TSPAN18: variants seen among roughly 807,000 people sequenced by gnomAD.
The protein encoded by TSPAN18 is tetraspanin 18, also known as tetraspanin-18.
Under a neutral mutation model 27.3 loss-of-function variants are expected in TSPAN18, and 14 were observed. The ratio of observed to expected loss-of-function variants is 0.51; its 90% CI spans 0.34 to 0.80. The LOEUF (loss-of-function observed/expected upper bound fraction) is 0.80. Among genes scored for constraint, TSPAN18 ranks in the 30% least tolerant of loss-of-function variants. The pLI, the probability that TSPAN18 is intolerant of heterozygous loss-of-function variation, is 0.01. For missense variants in TSPAN18, 268 were observed against 323.9 expected (o/e 0.83, Z 1.32); for synonymous variants, 143 against 136.5 (o/e 1.05, Z -0.33).
intron 2 of TSPAN18, among the ~76,000 whole-genome samples, chr11:44,778,900 G>A (rs1855873630): frequency 6.6e-6 from 1 of 152,144 alleles, no homozygotes; most frequent in Non-Finnish European, 1.5e-5. Flanking sequence ...TCCAGTGGCT[G>A]GAGGTCCTGG....
chr11:44,826,232 G>T (rs1344664764), intron 2 of TSPAN18, among the ~76,000 whole-genome samples: 1 of 152,210 alleles, frequency 6.6e-6, no homozygotes, highest in Non-Finnish European at 1.5e-5. Context: ...AGACCAGCCT[G>T]ACCAACATGG....
chr11:44,745,371 C>A (rs868061674), intron 1 of TSPAN18, among the ~76,000 whole-genome samples: 2 of 152,234 alleles, frequency 1.3e-5, no homozygotes, highest in African/African-American at 4.8e-5. Context: ...CACTGCACAG[C>A]ACTGGAGCCC....
chr11:44,793,607 T>G (rs1856280329), intron 2 of TSPAN18, among the ~76,000 whole-genome samples: 1 of 152,194 alleles, frequency 6.6e-6, no homozygotes, highest in South Asian at 2.1e-4. Flanking sequence ...GCCAACCTTG[T>G]GGGGATGCTG....
chr11:44,877,447 C>G (rs1210896868), intron 3 of TSPAN18, among the ~76,000 whole-genome samples: 1 of 152,110 alleles, frequency 6.6e-6, no homozygotes, highest in Non-Finnish European at 1.5e-5. Flanking sequence ...GGGCTCCTGG[C>G]CCCGTTCTCC....
rs148023269 is a variant in TSPAN18 at position 44,909,563 on chromosome 11, C to T, written c.64-142C>T. The T allele has an allele frequency of 1.6e-3, 1,215 of 778,386 alleles. 8 individuals are homozygous for T. The African/African-American group carries it at 0.017, about 11-fold the overall frequency. 48.2% of individuals were successfully genotyped at this position (778,386 alleles called of 1,614,324 possible). Reference sequence around the variant, plus strand: ...GGTGCGGCTGGGACTCACTGGCTCTCGCCGCAGGTGAATTCCTGCCTGGCT... The same window carrying T: ...GGTGCGGCTGGGACTCACTGGCTCTTGCCGCAGGTGAATTCCTGCCTGGCT... On this transcript the variant is annotated intron_variant, in intron 4 of 9. Coordinates refer to ENST00000520358, the MANE Select transcript of TSPAN18 (RefSeq NM_130783.5).
intron 2 of TSPAN18, among the ~76,000 whole-genome samples, chr11:44,780,511 C>T (rs1166776384): frequency 6.6e-6 from 1 of 152,356 alleles, no homozygotes; most frequent in Non-Finnish European, 1.5e-5. Context: ...CTGACAGCAG[C>T]GATCCAGACA....
At chr11:44,738,409 G>A (rs191561677) in intron 1 of TSPAN18, among the ~76,000 whole-genome samples, 19 of 152,298 alleles carry the variant, frequency 1.2e-4, no homozygotes, top group Admixed American at 4.6e-4. Context: ...CTGCTCTGCA[G>A]CCTTGGACAA....
intron 3 of TSPAN18, among the ~76,000 whole-genome samples, chr11:44,877,781 A>C (rs1858376938): frequency 6.6e-6 from 1 of 151,502 alleles, no homozygotes; most frequent in Admixed American, 6.6e-5. Context: ...ATTAGTGTGA[A>C]TAGGGGCTGG....
At chr11:44,844,513 C>T (rs577845336) in intron 2 of TSPAN18, among the ~76,000 whole-genome samples, 4 of 152,284 alleles carry the variant, frequency 2.6e-5, no homozygotes, top group African/African-American at 9.6e-5. Flanking sequence ...CATCATCTGC[C>T]CAGTTTTAGC....
At chr11:44,802,611 A>G (rs1856507365) in intron 2 of TSPAN18, among the ~76,000 whole-genome samples, 1 of 147,678 alleles carries the variant, frequency 6.8e-6, no homozygotes, top group Non-Finnish European at 1.5e-5. Context: ...GAAGCACTGC[A>G]CACACACACA....
chr11:44,878,166 A>G (rs1490359293), intron 3 of TSPAN18, among the ~76,000 whole-genome samples: 1 of 151,026 alleles, frequency 6.6e-6, no homozygotes, highest in Admixed American at 6.6e-5. Flanking sequence ...CAGACACCCC[A>G]GGGGACTCCT....
chr11:44,839,716 G>A (rs1365622923), intron 2 of TSPAN18, among the ~76,000 whole-genome samples: 3 of 152,096 alleles, frequency 2.0e-5, no homozygotes, highest in Admixed American at 2.0e-4. Flanking sequence ...ACTGAACTGA[G>A]CATGCAAGCG....
intron 3 of TSPAN18, among the ~76,000 whole-genome samples, chr11:44,887,976 C>G (rs1477928109): frequency 6.6e-6 from 1 of 152,142 alleles, no homozygotes. Flanking sequence ...TTCAAAGGGT[C>G]TTTTTCAGAG....
chr11:44,858,153 A>C (rs142897228), intron 2 of TSPAN18, among the ~76,000 whole-genome samples: 127 of 152,122 alleles, frequency 8.3e-4, no homozygotes, highest in African/African-American at 2.9e-3. Context: ...TGACCATGGG[A>C]CCTTTCTATC....
chr11:44,845,918 C>T (rs1417855811), intron 2 of TSPAN18, among the ~76,000 whole-genome samples: 2 of 152,236 alleles, frequency 1.3e-5, no homozygotes, highest in Admixed American at 6.5e-5. Flanking sequence ...GAAAAATGGA[C>T]TTCCAGTGGA....
At chr11:44,810,308 T>C (rs1309322348) in intron 2 of TSPAN18, among the ~76,000 whole-genome samples, 2 of 152,180 alleles carry the variant, frequency 1.3e-5, no homozygotes, top group African/African-American at 4.8e-5. Flanking sequence ...TCCTCAGCCC[T>C]TCGCAACCAC....
chr11:44,915,317 G>A (rs929399361), intron 5 of TSPAN18, among the ~76,000 whole-genome samples: 45 of 152,178 alleles, frequency 3.0e-4, no homozygotes, highest in African/African-American at 1.1e-3. Flanking sequence ...TGTCACAGGG[G>A]AGGCGAGGCT....
chr11:44,804,085 G>A (rs1856539169), intron 2 of TSPAN18, among the ~76,000 whole-genome samples: 2 of 151,934 alleles, frequency 1.3e-5, no homozygotes, highest in South Asian at 4.1e-4. Context: ...GCTCCTGGAT[G>A]GTAAATTTCT....
rs552496292 is a variant in TSPAN18 at position 44,910,010 on chromosome 11, T to C, written c.258+111T>C. On this transcript the variant is annotated intron_variant, in intron 5 of 9. Coordinates refer to ENST00000520358, the MANE Select transcript of TSPAN18 (RefSeq NM_130783.5). The stretch of plus-strand genomic sequence containing the variant: ...CCATTCAGACCAGTGCTTCCCAAAC[T>C]GGGGCGGGCTGTCAAAGCAGAAGGG... 238 of 1,311,008 alleles carry C rather than the reference T, an allele frequency of 1.8e-4. No homozygotes were observed. The African/African-American group carries it at 2.6e-3, about 14-fold the overall frequency. 81.2% of individuals were successfully genotyped at this position (1,311,008 alleles called of 1,614,324 possible).
Sources: allele counts gnomAD v4.1 joint callset (sites outside exome capture counted in the v4.1 genomes callset), GRCh38; gene constraint gnomAD v4.1.1; transcripts MANE v1.5; gene names NCBI Gene and HGNC (gene_info 2026-07-23, HGNC 2026-07-21).